GRID1: variants seen among roughly 807,000 people sequenced by gnomAD.
GRID1 encodes the protein glutamate ionotropic receptor delta type subunit 1.
In GRID1, 28 loss-of-function variants were observed where a neutral mutation model predicts 98.0. The ratio of observed to expected loss-of-function variants is 0.29; its 90% CI spans 0.21 to 0.39. GRID1 has a LOEUF of 0.39. Ranked by LOEUF, GRID1 falls within the 10% of genes least tolerant of loss-of-function variation. The pLI, the probability that GRID1 is intolerant of heterozygous loss-of-function variation, is 1.00. For synonymous variants in GRID1, 553 were observed against 538.5 expected, an observed-to-expected ratio of 1.03 and a Z score of -0.37; for missense variants, 1,111 against 1,340.5, an observed-to-expected ratio of 0.83 and a Z score of 2.67.
rs371211721 is a variant in GRID1, at chr10:85,625,474, C to A, written c.2194-5441G>T. Among the ~76,000 whole-genome samples the A allele has an allele frequency of 8.5e-5, 13 of 152,192 alleles. No homozygotes were observed. In the South Asian group the frequency reaches 2.7e-3, roughly 32 times the overall value. On this transcript the variant is annotated intron_variant, in intron 13 of 15. Transcript: ENST00000327946. ...AGAAAAGTAAACAAACAAACATGGT[C>A]CAGACAAAAAAAGAATAGATGCAGG...
intron 13 of GRID1, among the ~76,000 whole-genome samples, chr10:85,624,792 A>C (rs1842891948): frequency 6.6e-6 from 1 of 152,214 alleles, no homozygotes; most frequent in Non-Finnish European, 1.5e-5. Context: ...CATGTCTTTC[A>C]CCTTTGCAAG....
At chr10:85,826,746 A>G (rs982670175) in intron 8 of GRID1, among the ~76,000 whole-genome samples, 1 of 152,166 alleles carries the variant, frequency 6.6e-6, no homozygotes, top group Admixed American at 6.5e-5. Flanking sequence ...GGCCAACAGA[A>G]TGGGAACACC....
intron 2 of GRID1, among the ~76,000 whole-genome samples, chr10:86,307,193 G>A (rs1479260451): frequency 2.0e-5 from 3 of 152,146 alleles, no homozygotes. Context: ...TCTCACTTCT[G>A]GACATGTACC....
At chr10:85,881,708 G>T (rs1391377174) in intron 5 of GRID1, among the ~76,000 whole-genome samples, 1 of 152,108 alleles carries the variant, frequency 6.6e-6, no homozygotes. Context: ...CAGGACATAG[G>T]CATGGGCAAG....
intron 2 of GRID1, among the ~76,000 whole-genome samples, chr10:86,252,590 C>T (rs1239376572): frequency 6.6e-6 from 1 of 152,240 alleles, no homozygotes; most frequent in African/African-American, 2.4e-5. Context: ...AGAAGAAACT[C>T]ATCTTCCCCC....
chr10:85,974,101 CT>C (rs1056203000), intron 4 of GRID1, among the ~76,000 whole-genome samples: 8 of 152,134 alleles, frequency 5.3e-5, no homozygotes, highest in Admixed American at 3.9e-4. Context: ...AGGTGGACGC[CT>C]GCTTTCTACG....
intron 5 of GRID1, among the ~76,000 whole-genome samples, chr10:85,877,510 G>C (rs932887812): frequency 2.7e-5 from 4 of 149,788 alleles, no homozygotes; most frequent in East Asian, 1.9e-4. Flanking sequence ...AGGCAAACAG[G>C]GTCTGGAGTG....
At chr10:85,918,433 C>T (rs963932807) in intron 4 of GRID1, among the ~76,000 whole-genome samples, 6 of 152,306 alleles carry the variant, frequency 3.9e-5, no homozygotes, top group Admixed American at 3.3e-4. Flanking sequence ...AAAAGCACAT[C>T]GCTGGGCTCT....
intron 3 of GRID1, among the ~76,000 whole-genome samples, chr10:86,204,101 G>A (rs957964181): frequency 5.9e-5 from 9 of 152,194 alleles, no homozygotes; most frequent in Non-Finnish European, 1.2e-4. Flanking sequence ...GATTCTGGGT[G>A]GAGGAAAGAA....
intron 4 of GRID1, among the ~76,000 whole-genome samples, chr10:85,919,248 T>A (rs1198769629): frequency 6.6e-6 from 1 of 152,186 alleles, no homozygotes; most frequent in African/African-American, 2.4e-5. Context: ...TACTTCCACC[T>A]AGTATCAGAC....
At chr10:85,873,910 G>A (rs1266726254) in intron 5 of GRID1, among the ~76,000 whole-genome samples, 1 of 152,216 alleles carries the variant, frequency 6.6e-6, no homozygotes, top group African/African-American at 2.4e-5. Context: ...ACCACTGGTT[G>A]AACATTAAGC....
intron 12 of GRID1, among the ~76,000 whole-genome samples, chr10:85,682,471 A>T (rs1030978632): frequency 2.0e-5 from 3 of 152,254 alleles, no homozygotes; most frequent in African/African-American, 7.2e-5. Flanking sequence ...AAAAGCCCTG[A>T]TTTCTGTGGT....
intron 4 of GRID1, among the ~76,000 whole-genome samples, chr10:86,019,887 C>T (rs748953898): frequency 1.3e-5 from 2 of 152,240 alleles, no homozygotes; most frequent in Non-Finnish European, 2.9e-5. Flanking sequence ...AGCTCACTGG[C>T]AGCCCTGGTA....
intron 8 of GRID1, among the ~76,000 whole-genome samples, chr10:85,773,771 C>G (rs376612855): frequency 3.3e-5 from 5 of 152,030 alleles, no homozygotes; most frequent in Admixed American, 2.0e-4. Context: ...TTACAAGGAA[C>G]GTGAAGGACC....
chr10:86,027,832 A>G (rs1316617701), intron 4 of GRID1, among the ~76,000 whole-genome samples: 2 of 152,188 alleles, frequency 1.3e-5, no homozygotes, highest in African/African-American at 4.8e-5. Flanking sequence ...ACATTATCAC[A>G]ACAGTCATTA....
At chr10:85,633,526 G>T (rs1017531531) in intron 13 of GRID1, among the ~76,000 whole-genome samples, 5 of 152,202 alleles carry the variant, frequency 3.3e-5, no homozygotes. Flanking sequence ...TAGCCATAAA[G>T]GGTTGCTGGG....
In GRID1 at chr10:86,138,807, C is replaced by T. The variant is rs201542624; in HGVS notation, c.726+12G>A. 5.0e-6 allele frequency: 8 copies of T among 1,611,436 alleles called. No homozygotes were observed. Among genetic ancestry groups the T allele is most frequent in the Non-Finnish European group, 5.9e-6 (7 of 1,177,796 alleles). ...CACCAGGCCCCTGAGGCCTCAGGCC[C>T]CCATGACCTACCTCGTTGATGAAGG... On this transcript the variant is annotated intron_variant, in intron 4 of 15. Coordinates refer to ENST00000327946, the MANE Select transcript of GRID1 (RefSeq NM_017551.3).
rs77212776 is a variant in GRID1 at position 86,246,672 on chromosome 10, C to T, written c.236-40024G>A. On this transcript the variant is annotated intron_variant, in intron 2 of 15. Coordinates refer to ENST00000327946, the MANE Select transcript of GRID1 (RefSeq NM_017551.3). ...CGCCCAGAACCCTGTCCCACCCCCACGTACCTTGCACAAGAACCCCCTCTT... is the reference window on the plus strand; with the variant it reads ...CGCCCAGAACCCTGTCCCACCCCCATGTACCTTGCACAAGAACCCCCTCTT... Among the ~76,000 whole-genome samples the T allele has an allele frequency of 2.5e-3, 380 of 152,278 alleles. 1 individual carries two copies. The highest frequency in any genetic ancestry group is 7.5e-3 in the East Asian group (39 of 5,180).
chr10:85,894,614 G>GT (rs1392438510), intron 5 of GRID1, among the ~76,000 whole-genome samples: 1 of 152,120 alleles, frequency 6.6e-6, no homozygotes, highest in Non-Finnish European at 1.5e-5. Flanking sequence ...GATTGTGCAG[G>GT]TTTTTTAAGT....
Sources: gnomAD v4.1 joint callset for allele counts (sites outside exome capture counted in the v4.1 genomes callset) on GRCh38, gnomAD v4.1.1 for gene constraint, MANE v1.5 for transcripts, NCBI Gene and HGNC (gene_info 2026-07-23, HGNC 2026-07-21) for gene names.